The following TBC1D22A variants were observed in gnomAD, a reference collection of about 807,000 sequenced individuals.
TBC1D22A encodes the protein putative GTPase activator.
TBC1D22A carries 38 observed loss-of-function variants against 60.2 expected under a neutral mutation model. The ratio of observed to expected loss-of-function variants is 0.63; its 90% CI spans 0.49 to 0.83. TBC1D22A has a LOEUF of 0.83. TBC1D22A is among the 40% of genes least tolerant of loss of function. The pLI is 0.00. For synonymous variants in TBC1D22A, 302 were observed against 281.7 expected (o/e 1.07, Z -0.72); for missense variants, 628 against 701.0 (o/e 0.90, Z 1.18).
At chr22:46,883,257 A>G (rs1025645963) in intron 5 of TBC1D22A, among the ~76,000 whole-genome samples, 1 of 152,182 alleles carries the variant, frequency 6.6e-6, no homozygotes, top group African/African-American at 2.4e-5. Context: ...GGAGGGAACA[A>G]TTTGATTTTT....
intron 7 of TBC1D22A, among the ~76,000 whole-genome samples, chr22:46,900,149 G>GTT (rs1354805420): frequency 1.5e-4 from 22 of 144,976 alleles, no homozygotes; most frequent in African/African-American, 4.4e-4. Flanking sequence ...GACAGCTGTG[G>GTT]TTTTTTTTTT....
chr22:47,104,134 G>A (rs2065529127), intron 11 of TBC1D22A, among the ~76,000 whole-genome samples: 1 of 151,722 alleles, frequency 6.6e-6, no homozygotes, highest in South Asian at 2.1e-4. Flanking sequence ...GTGCAACCCT[G>A]TCTCTGCTAA....
chr22:47,046,764 G>A (rs961486991), intron 11 of TBC1D22A, among the ~76,000 whole-genome samples: 4 of 152,194 alleles, frequency 2.6e-5, no homozygotes, highest in East Asian at 1.9e-4. Context: ...CCAGAGAGCC[G>A]TTGACATCTG....
intron 4 of TBC1D22A, among the ~76,000 whole-genome samples, chr22:46,840,155 G>C (rs1418328390): frequency 6.6e-6 from 1 of 152,178 alleles, no homozygotes; most frequent in African/African-American, 2.4e-5. Context: ...AGAGTGAAGA[G>C]ACAACCTATG....
intron 12 of TBC1D22A, among the ~76,000 whole-genome samples, chr22:47,140,448 A>G (rs2067037708): frequency 6.6e-6 from 1 of 151,838 alleles, no homozygotes; most frequent in African/African-American, 2.4e-5. Flanking sequence ...AGTCCCAGCT[A>G]CTGGGGAGGC....
intron 12 of TBC1D22A, among the ~76,000 whole-genome samples, chr22:47,160,329 C>CCGCT (rs2147202274): frequency 6.6e-6 from 1 of 152,326 alleles, no homozygotes; most frequent in East Asian, 1.9e-4. Flanking sequence ...CCCTCCCTTG[C>CCGCT]CGCTCACTGG....
At chr22:47,098,881 G>A (rs984729116) in intron 11 of TBC1D22A, among the ~76,000 whole-genome samples, 1 of 152,234 alleles carries the variant, frequency 6.6e-6, no homozygotes, top group Non-Finnish European at 1.5e-5. Context: ...CTCCTGTGAG[G>A]ACAGGAGCCA....
At chr22:46,868,784 T>A (rs1456204404) in intron 4 of TBC1D22A, among the ~76,000 whole-genome samples, 1 of 152,228 alleles carries the variant, frequency 6.6e-6, no homozygotes, top group African/African-American at 2.4e-5. Flanking sequence ...CCCCATCCTC[T>A]CAGTTTAATT....
At chr22:47,069,249 G>T (rs79936950) in intron 11 of TBC1D22A, among the ~76,000 whole-genome samples, 2,648 of 152,348 alleles carry the variant, frequency 0.017, 81 homozygotes, top group African/African-American at 0.061. Context: ...ACTGAAAAAT[G>T]TATAGCAAAG....
chr22:46,918,353 C>T (rs959455298), intron 8 of TBC1D22A, among the ~76,000 whole-genome samples: 2 of 152,208 alleles, frequency 1.3e-5, no homozygotes, highest in African/African-American at 4.8e-5. Flanking sequence ...GGAACCCACA[C>T]AGCGATGTCC....
At position 47,174,297 on chromosome 22, in the gene TBC1D22A, C is replaced by T. The variant is rs2068598271; in HGVS notation, c.*671C>T. On this transcript the variant is annotated 3_prime_UTR_variant, in exon 13 of 13. Transcript: ENST00000337137. ...AGGCTGGGAGCAGAGGGAGGCCTCG[C>T]CATCGCCTTACTTTCCACCTTGAAC... is the stretch of plus-strand genomic sequence containing the variant. 6.6e-6 allele frequency: 1 copy of T among 152,354 alleles called. No individual in the cohort carries two copies. The highest frequency in any genetic ancestry group is 6.5e-5 in the Admixed American group (1 of 15,292). The allele number at this position is 152,354 out of a possible 1,614,324, so 9.4% of individuals were successfully genotyped here.
intron 7 of TBC1D22A, 56 bp downstream of exon 7, chr22:46,894,902 GTGC>G: frequency 6.3e-7 from 1 of 1,593,926 alleles, no homozygotes; most frequent in Non-Finnish European, 8.6e-7. Flanking sequence ...GATGCCCACT[GTGC>G]TAACCAGACA....
chr22:47,005,104 T>A (rs2061540448), intron 10 of TBC1D22A, among the ~76,000 whole-genome samples: 2 of 151,662 alleles, frequency 1.3e-5, no homozygotes, highest in South Asian at 4.1e-4. Flanking sequence ...CATACACACC[T>A]TTGTATTCAC....
chr22:47,148,152 A>C (rs1382452448), intron 12 of TBC1D22A, among the ~76,000 whole-genome samples: 1 of 152,018 alleles, frequency 6.6e-6, no homozygotes, highest in Non-Finnish European at 1.5e-5. Context: ...ATTTTAAAAA[A>C]CCAGCCCCGA....
At chr22:46,838,286 A>G (rs2086605408) in intron 4 of TBC1D22A, among the ~76,000 whole-genome samples, 1 of 152,250 alleles carries the variant, frequency 6.6e-6, no homozygotes, top group East Asian at 1.9e-4. Flanking sequence ...AGAAAAAAGA[A>G]GACTCAAATG....
At chr22:46,919,909 T>G (rs542852370) in intron 8 of TBC1D22A, among the ~76,000 whole-genome samples, 1 of 152,254 alleles carries the variant, frequency 6.6e-6, no homozygotes, top group East Asian at 1.9e-4. Flanking sequence ...CCCAGCAACT[T>G]CAGTGTTGAC....
At position 46,950,700 on chromosome 22, in the gene TBC1D22A, C is replaced by T. The variant is rs561548574; in HGVS notation, c.1016-23590C>T. ...TAGCTTTCCTAGATTGAGGTATTCA[C>T]GGTAGATGTGCGCGAATGACGGGTG... On this transcript the variant is annotated intron_variant, in intron 8 of 12. Coordinates refer to ENST00000337137, the MANE Select transcript of TBC1D22A (RefSeq NM_014346.5). Among the ~76,000 whole-genome samples, 31 of 152,238 alleles carry T rather than the reference C, an allele frequency of 2.0e-4. 1 individual carries two copies. The highest frequency in any genetic ancestry group is 5.9e-4 in the Admixed American group (9 of 15,286).
At chr22:47,076,172 CA>C (rs1280315051) in intron 11 of TBC1D22A, among the ~76,000 whole-genome samples, 1 of 151,796 alleles carries the variant, frequency 6.6e-6, no homozygotes, top group African/African-American at 2.4e-5. Context: ...AAGATTACAA[CA>C]GTACAAAAAC....
rs2069242058 is a variant in TBC1D22A at position 46,904,138 on chromosome 22, T to TACCTACCTACCTAC, written c.901-7936_901-7935insACCTACCTACCTAC. On this transcript the variant is annotated intron_variant, in intron 7 of 12. Coordinates refer to ENST00000337137, the MANE Select transcript of TBC1D22A (RefSeq NM_014346.5). ...ATCTATCTATCTATCTATCTATCTA[T>TACCTACCTACCTAC]CTATCTACCTACCTACCTACCTACC... Among the ~76,000 whole-genome samples, 147 of 55,308 alleles carry TACCTACCTACCTAC rather than the reference T, an allele frequency of 2.7e-3. 1 individual carries two copies. Among genetic ancestry groups the TACCTACCTACCTAC allele is most frequent in the African/African-American group, 9.4e-3 (141 of 15,002 alleles). 36.3% of individuals were successfully genotyped at this position (55,308 alleles called of 152,430 possible).
Sources: gnomAD v4.1 joint callset for allele counts (sites outside exome capture counted in the v4.1 genomes callset) on GRCh38, gnomAD v4.1.1 for gene constraint, MANE v1.5 for transcripts, NCBI Gene and HGNC (gene_info 2026-07-23, HGNC 2026-07-21) for gene names.